The following SYT1 variants were observed in gnomAD, a reference collection of about 807,000 sequenced individuals.
SYT1 encodes synaptotagmin-1.
SYT1 carries 8 observed loss-of-function variants against 44.8 expected under a neutral mutation model. The ratio of observed to expected loss-of-function variants is 0.18; its 90% confidence interval spans 0.10 to 0.32. SYT1 has a LOEUF of 0.32. Ranked by LOEUF, SYT1 falls within the 10% of genes least tolerant of loss-of-function variation. The probability of loss-of-function intolerance (pLI) is 1.00; values close to 1 mark genes in which losing one functional copy is unlikely to be tolerated. For synonymous variants in SYT1, 154 were observed against 188.8 expected, an observed-to-expected ratio of 0.82 and a Z score of 1.51; for missense variants, 286 against 509.3, an observed-to-expected ratio of 0.56 and a Z score of 4.22.
At chr12:79,352,190 C>T (rs1405275881) in intron 8 of SYT1, among the ~76,000 whole-genome samples, 1 of 150,382 alleles carries the variant, frequency 6.6e-6, no homozygotes, top group African/African-American at 2.5e-5. Flanking sequence ...GAATACACCC[C>T]CCCCCCAAAA....
chr12:78,903,015 A>G (rs1875748578), intron 1 of SYT1, among the ~76,000 whole-genome samples: 1 of 152,176 alleles, frequency 6.6e-6, no homozygotes, highest in Non-Finnish European at 1.5e-5. Flanking sequence ...GGGTCATAGT[A>G]TTAAATCAGC....
intron 2 of SYT1, among the ~76,000 whole-genome samples, chr12:79,012,367 T>A (rs1871471167): frequency 6.6e-6 from 1 of 152,086 alleles, no homozygotes; most frequent in Non-Finnish European, 1.5e-5. Context: ...AGACACTGAT[T>A]TAAGTTTTAG....
chr12:79,436,162 A>G (rs1040932843), intron 9 of SYT1, among the ~76,000 whole-genome samples: 4 of 152,172 alleles, frequency 2.6e-5, no homozygotes, highest in East Asian at 1.9e-4. Flanking sequence ...GAAGCTTTCT[A>G]TCATATTAGC....
chr12:79,252,081 G>A (rs1340763401), intron 4 of SYT1, among the ~76,000 whole-genome samples: 1 of 151,896 alleles, frequency 6.6e-6, no homozygotes, highest in East Asian at 1.9e-4. Context: ...TTTATGACAT[G>A]GTAGAGCATG....
At chr12:79,145,735 T>TG (rs1285250374) in intron 3 of SYT1, among the ~76,000 whole-genome samples, 26 of 148,748 alleles carry the variant, frequency 1.7e-4, no homozygotes, top group Non-Finnish European at 4.5e-5. Context: ...TTAAACATAG[T>TG]GGTTTTTTTT....
chr12:78,931,465 A>AAAAG (rs201906823), intron 1 of SYT1, among the ~76,000 whole-genome samples: 10,048 of 144,108 alleles, frequency 0.07, 603 homozygotes, highest in East Asian at 0.11. Flanking sequence ...GAAAGAAAGA[A>AAAAG]AAAGAAAGAA....
chr12:79,215,002 CAAT>C (rs1565859007), intron 3 of SYT1, among the ~76,000 whole-genome samples: 5 of 151,174 alleles, frequency 3.3e-5, no homozygotes, highest in Non-Finnish European at 5.9e-5. Context: ...CTGGCTGACT[CAAT>C]GAAATACAGA....
rs551894783 is a variant in SYT1 at position 79,362,464 on chromosome 12, T to C, written c.928+8845T>C. 2.0e-5 allele frequency among the ~76,000 whole-genome samples: 3 copies of C among 152,266 alleles called. No homozygotes were observed. The East Asian group carries it at 5.8e-4, about 29-fold the overall frequency. On this transcript the variant is annotated intron_variant, in intron 9 of 10. Transcript: ENST00000261205. Reference sequence around the variant, plus strand: ...GGCTTGATGTTGTCACAGAAGATTTTATAAATAAAAGGGAGGGAAAATCTC... The same window carrying C: ...GGCTTGATGTTGTCACAGAAGATTTCATAAATAAAAGGGAGGGAAAATCTC...
At position 79,030,449 on chromosome 12, in the gene SYT1, G is replaced by A. The variant is rs113865202; in HGVS notation, c.-83-16848G>A. Among the ~76,000 whole-genome samples, 502 of 150,960 alleles carry A rather than the reference G, an allele frequency of 3.3e-3. 4 individuals carry two copies. The highest frequency in any genetic ancestry group is 0.01 in the Middle Eastern group (3 of 294). On this transcript the variant is annotated intron_variant, in intron 2 of 10. Coordinates refer to ENST00000261205, the MANE Select transcript of SYT1 (RefSeq NM_005639.3). Reference sequence around the variant, plus strand: ...CTGAAACACTTTTCTCTATCAAAACGCATAGAAAGAATGGTCACCCTTCAA... The same window carrying A: ...CTGAAACACTTTTCTCTATCAAAACACATAGAAAGAATGGTCACCCTTCAA...
At chr12:79,344,307 T>C (rs531798738) in intron 8 of SYT1, among the ~76,000 whole-genome samples, 36 of 152,350 alleles carry the variant, frequency 2.4e-4, no homozygotes, top group African/African-American at 8.4e-4. Flanking sequence ...CGTGTCTTAC[T>C]GACCACTGTG....
chr12:78,963,707 C>T (rs1216320925), intron 1 of SYT1, among the ~76,000 whole-genome samples: 2 of 152,032 alleles, frequency 1.3e-5, no homozygotes, highest in African/African-American at 4.8e-5. Context: ...AATTGAAACC[C>T]TTATATGCTC....
chr12:79,391,470 T>G (rs1884653944), intron 9 of SYT1, among the ~76,000 whole-genome samples: 1 of 152,190 alleles, frequency 6.6e-6, no homozygotes, highest in African/African-American at 2.4e-5. Flanking sequence ...TTGCTTAAGA[T>G]TTTTGAAAAG....
At chr12:79,414,134 A>G (rs1012622043) in intron 9 of SYT1, among the ~76,000 whole-genome samples, 10 of 152,188 alleles carry the variant, frequency 6.6e-5, no homozygotes, top group Admixed American at 5.2e-4. Flanking sequence ...TTCTTCCTCT[A>G]TAGGAGAAGC....
chr12:79,012,293 A>G lies in SYT1; in HGVS notation c.-84+34362A>G, dbSNP rs566648191. ...TGGTTGAGGAGTAGACAGACCACACATGGTAACTGAGAACTCTGAAGTTTC... is the reference window on the plus strand; with the variant it reads ...TGGTTGAGGAGTAGACAGACCACACGTGGTAACTGAGAACTCTGAAGTTTC... On this transcript the variant is annotated intron_variant, in intron 2 of 10. Transcript: ENST00000261205. 2.2e-4 allele frequency among the ~76,000 whole-genome samples: 33 copies of G among 152,288 alleles called. No homozygotes were observed. The East Asian group carries it at 4.3e-3, about 20-fold the overall frequency.
At chr12:78,918,106 G>A (rs1414256955) in intron 1 of SYT1, among the ~76,000 whole-genome samples, 1 of 152,024 alleles carries the variant, frequency 6.6e-6, no homozygotes, top group South Asian at 2.1e-4. Context: ...CTGCTAGCAA[G>A]TTAAAGAAAA....
chr12:79,383,327 A>G (rs1593019192), intron 9 of SYT1, among the ~76,000 whole-genome samples: 1 of 152,220 alleles, frequency 6.6e-6, no homozygotes, highest in African/African-American at 2.4e-5. Flanking sequence ...AAAGATAGAA[A>G]AGGTACATTT....
At chr12:79,276,679 A>C (rs966488753) in intron 4 of SYT1, among the ~76,000 whole-genome samples, 11 of 151,738 alleles carry the variant, frequency 7.2e-5, no homozygotes, top group Admixed American at 2.0e-4. Context: ...CATCAAAAAA[A>C]AAAAAACAAA....
At chr12:79,348,990 AGAGAGAAG>A (rs1457197602) in intron 8 of SYT1, among the ~76,000 whole-genome samples, 10 of 109,374 alleles carry the variant, frequency 9.1e-5, no homozygotes, top group African/African-American at 3.7e-4. Flanking sequence ...GAAGAAAGAA[AGAGAGAAG>A]GAAAGAAAGA....
intron 9 of SYT1, among the ~76,000 whole-genome samples, chr12:79,365,657 CT>C (rs1387435188): frequency 4.6e-5 from 7 of 151,974 alleles, no homozygotes; most frequent in Non-Finnish European, 1.5e-5. Flanking sequence ...CTAAAATTTA[CT>C]TGCTGCTGCT....
Sources: allele counts gnomAD v4.1 joint callset (sites outside exome capture counted in the v4.1 genomes callset), GRCh38; gene constraint gnomAD v4.1.1; transcripts MANE v1.5; gene names NCBI Gene and HGNC (gene_info 2026-07-23, HGNC 2026-07-21).